The following HECW2 variants were observed in gnomAD, a reference collection of about 807,000 sequenced individuals.
HECW2 encodes E3 ubiquitin-protein ligase HECW2.
HECW2 carries 61 observed loss-of-function variants against 175.2 expected under a neutral mutation model. The observed-to-expected ratio is 0.35, with a 90% confidence interval of 0.28 to 0.43. The LOEUF (loss-of-function observed/expected upper bound fraction) is 0.43. Ranked by LOEUF, HECW2 falls within the 20% of genes least tolerant of loss-of-function variation. HECW2 has a pLI of 1.00. For missense variants in HECW2, 1,524 were observed against 2,000.5 expected, an observed-to-expected ratio of 0.76 and a Z score of 4.54; for synonymous variants, 671 against 731.0, an observed-to-expected ratio of 0.92 and a Z score of 1.32.
chr2:196,543,090 G>C (rs961826020), intron 1 of HECW2, among the ~76,000 whole-genome samples: 3 of 150,630 alleles, frequency 2.0e-5, no homozygotes, highest in Admixed American at 1.3e-4. Flanking sequence ...CTATCACTGG[G>C]AGGTAGCATT....
intron 1 of HECW2, among the ~76,000 whole-genome samples, chr2:196,584,732 A>G (rs1456859215): frequency 1.3e-5 from 2 of 152,078 alleles, no homozygotes; most frequent in African/African-American, 4.8e-5. Context: ...ACCCTTTCCA[A>G]ATTATCCTCA....
intron 10 of HECW2, among the ~76,000 whole-genome samples, chr2:196,309,055 T>C (rs901440981): frequency 1.3e-5 from 2 of 152,194 alleles, no homozygotes; most frequent in African/African-American, 4.8e-5. Flanking sequence ...ACTGTCCATG[T>C]GATCACATGC....
chr2:196,208,721 A>T (rs192934579), intron 28 of HECW2, among the ~76,000 whole-genome samples: 1 of 152,310 alleles, frequency 6.6e-6, no homozygotes, highest in Admixed American at 6.5e-5. Flanking sequence ...CTTGAAGCAT[A>T]ATTGAGTTTG....
chr2:196,386,157 G>C (rs1694343704), intron 2 of HECW2, among the ~76,000 whole-genome samples: 1 of 152,164 alleles, frequency 6.6e-6, no homozygotes, highest in Non-Finnish European at 1.5e-5. Context: ...TCAACAAAAA[G>C]AAAACCACCT....
At chr2:196,515,101 C>T (rs947822148) in intron 1 of HECW2, among the ~76,000 whole-genome samples, 5 of 152,330 alleles carry the variant, frequency 3.3e-5, no homozygotes, top group East Asian at 3.9e-4. Context: ...TTTGTCCAGA[C>T]GCAGGTGCCT....
intron 14 of HECW2, among the ~76,000 whole-genome samples, chr2:196,286,475 C>G (rs1341994270): frequency 6.7e-6 from 1 of 149,992 alleles, no homozygotes; most frequent in Non-Finnish European, 1.5e-5. Flanking sequence ...TTAGGCAATT[C>G]CTTCAAGATT....
intron 1 of HECW2, among the ~76,000 whole-genome samples, chr2:196,578,746 C>T (rs958972158): frequency 6.6e-6 from 1 of 152,114 alleles, no homozygotes; most frequent in African/African-American, 2.4e-5. Flanking sequence ...ACTTCTATAA[C>T]TGGGAAAACT....
chr2:196,306,806 CAGTTA>C lies in HECW2; in HGVS notation c.2690-199_2690-195del, dbSNP rs375025686. Among the ~76,000 whole-genome samples the C allele has an allele frequency of 8.6e-3, 1,305 of 152,276 alleles. 20 individuals carry two copies. Among genetic ancestry groups the C allele is most frequent in the African/African-American group, 0.03 (1,258 of 41,554 alleles). ...GGCTGTTCTTAATTACACTAAAATTCAGTTAAGTAATATTTCTAGTTACTATGAAC... is the reference window on the plus strand; with the variant it reads ...GGCTGTTCTTAATTACACTAAAATTCAGTAATATTTCTAGTTACTATGAAC... On this transcript the variant is annotated intron_variant, in intron 12 of 28. Transcript: ENST00000644978.
At chr2:196,243,382 G>A (rs1343425619) in intron 19 of HECW2, among the ~76,000 whole-genome samples, 1 of 151,828 alleles carries the variant, frequency 6.6e-6, no homozygotes, top group African/African-American at 2.4e-5. Context: ...GGTCAGGCTG[G>A]TCTTGAACTC....
chr2:196,306,748 T>G, intron 12 of HECW2, 136 bp from the exon 13 acceptor site: 1 of 880,796 alleles, frequency 1.1e-6, no homozygotes, highest in Non-Finnish European at 1.6e-6. Flanking sequence ...CCCCAATGCT[T>G]TTTTCTTTGC....
chr2:196,318,867 A>G lies in HECW2; in HGVS notation c.2023T>C (p.Ser675Pro), dbSNP rs1691816461. 7.7e-6 allele frequency: 12 copies of G among 1,552,538 alleles called. No individual in the cohort carries two copies. The highest frequency in any genetic ancestry group is 8.7e-6 in the Non-Finnish European group (10 of 1,149,394). The stretch of plus-strand genomic sequence containing the variant: ...GCTCCGTCTTCCTCCTCCTGAGAAG[A>G]AAAGGCTGGGGTTTCAGGAAACCGT... ...SARFPETPAFSSQEEEDGACA... is the reference protein window; with the variant it reads ...SARFPETPAFPSQEEEDGACA... The change falls in exon 9 of 29, where the codon TCT becomes CCT. Residue 675 changes from serine (S) to proline (P), a missense_variant. Ser to Pro is a moderately conservative substitution (Grantham distance 74, BLOSUM62 -1). Coordinates refer to ENST00000644978, the MANE Select transcript of HECW2 (RefSeq NM_001348768.2).
intron 3 of HECW2, among the ~76,000 whole-genome samples, chr2:196,342,054 C>T (rs1380267494): frequency 6.6e-6 from 1 of 152,088 alleles, no homozygotes; most frequent in Non-Finnish European, 1.5e-5. Context: ...AATCTTAAGG[C>T]TCACTCAGAG....
At chr2:196,402,802 A>AT (rs1200770187) in intron 2 of HECW2, among the ~76,000 whole-genome samples, 52 of 83,420 alleles carry the variant, frequency 6.2e-4, no homozygotes, top group Non-Finnish European at 1.0e-3. Flanking sequence ...TTGCCTTGGG[A>AT]ATTTTTTTTT....
chr2:196,566,175 G>A lies in HECW2; in HGVS notation c.-36+27333C>T, dbSNP rs145767711. 6.1e-3 allele frequency among the ~76,000 whole-genome samples: 922 copies of A among 151,694 alleles called. 9 individuals are homozygous for A. The highest frequency in any genetic ancestry group is 0.022 in the African/African-American group (891 of 41,394). On this transcript the variant is annotated intron_variant, in intron 1 of 28. Coordinates refer to ENST00000644978, the MANE Select transcript of HECW2 (RefSeq NM_001348768.2). The stretch of plus-strand genomic sequence containing the variant: ...GCAAGGGAAATTAAATTACTCTAAT[G>A]GACTACTTACCTCAAAACCTACTTA...
intron 1 of HECW2, among the ~76,000 whole-genome samples, chr2:196,575,067 C>A (rs1575688572): frequency 9.8e-6 from 1 of 101,778 alleles, no homozygotes; most frequent in Non-Finnish European, 1.8e-5. Context: ...GGTAACAGAG[C>A]AAGGCCTTGT....
At chr2:196,322,871 T>C (rs955573082) in intron 6 of HECW2, among the ~76,000 whole-genome samples, 2 of 152,254 alleles carry the variant, frequency 1.3e-5, no homozygotes, top group Non-Finnish European at 2.9e-5. Context: ...CAGCCCTTCC[T>C]AGTTTCACAG....
At chr2:196,405,625 A>G (rs1008086892) in intron 2 of HECW2, among the ~76,000 whole-genome samples, 1 of 152,086 alleles carries the variant, frequency 6.6e-6, no homozygotes, top group Non-Finnish European at 1.5e-5. Flanking sequence ...TTTATCTCCA[A>G]TAATTATCCC....
Position 196,424,751 on chromosome 2 carries a change from A to G in HECW2, c.292+8381T>C, listed in dbSNP as rs560799562. Among the ~76,000 whole-genome samples, 4 of 152,290 alleles carry G rather than the reference A, an allele frequency of 2.6e-5. No homozygotes were observed. The South Asian group carries it at 8.3e-4, about 32-fold the overall frequency. ...GGAAGCTAGGAAAGGTTGATTCATA[A>G]GTTTAAGGAAAGAAGCCATCTCTAT... On this transcript the variant is annotated intron_variant, in intron 2 of 28. Coordinates refer to ENST00000644978, the MANE Select transcript of HECW2 (RefSeq NM_001348768.2).
intron 2 of HECW2, among the ~76,000 whole-genome samples, chr2:196,363,821 C>T (rs1269358218): frequency 6.6e-6 from 1 of 151,964 alleles, no homozygotes; most frequent in Non-Finnish European, 1.5e-5. Flanking sequence ...GAGATCCTGT[C>T]TCTAAAAAGA....
Sources: allele counts gnomAD v4.1 joint callset (sites outside exome capture counted in the v4.1 genomes callset), GRCh38; gene constraint gnomAD v4.1.1; transcripts MANE v1.5; gene names NCBI Gene and HGNC (gene_info 2026-07-23, HGNC 2026-07-21).